The following INPP4B variants were observed in gnomAD, a reference collection of about 807,000 sequenced individuals.
INPP4B encodes inositol polyphosphate-4-phosphatase type II B.
Under a neutral mutation model 122.5 loss-of-function variants are expected in INPP4B, and 55 were observed. The ratio of observed to expected loss-of-function variants is 0.45; its 90% confidence interval spans 0.36 to 0.56. The LOEUF (loss-of-function observed/expected upper bound fraction) is 0.56. Among genes scored for constraint, INPP4B ranks in the 20% least tolerant of loss-of-function variants. INPP4B has a pLI of 0.00. For missense variants in INPP4B, 1,000 were observed against 1,097.7 expected, an observed-to-expected ratio of 0.91 and a Z score of 1.26; for synonymous variants, 403 against 388.7, an observed-to-expected ratio of 1.04 and a Z score of -0.43.
chr4:142,141,516 T>C (rs336395), intron 18 of INPP4B, among the ~76,000 whole-genome samples: 151,171 of 152,236 alleles, frequency 0.99, 75,065 homozygotes, highest in East Asian at 1. Context: ...CATAAATATA[T>C]ATAAACTGTA....
intron 8 of INPP4B, among the ~76,000 whole-genome samples, chr4:142,311,403 C>T (rs1765459343): frequency 6.6e-6 from 1 of 152,162 alleles, no homozygotes; most frequent in Admixed American, 6.5e-5. Context: ...AGATTTTCTA[C>T]TGTATTATTA....
intron 23 of INPP4B, among the ~76,000 whole-genome samples, chr4:142,090,221 C>T (rs1778844583): frequency 6.6e-6 from 1 of 152,144 alleles, no homozygotes; most frequent in Non-Finnish European, 1.5e-5. Flanking sequence ...TGTTAGAATA[C>T]ACAGGCATGA....
chr4:142,577,497 T>C (rs1480185454), intron 2 of INPP4B, among the ~76,000 whole-genome samples: 1 of 151,980 alleles, frequency 6.6e-6, no homozygotes. Flanking sequence ...TTAGGGGAAA[T>C]ATAAATGGGA....
intron 25 of INPP4B, among the ~76,000 whole-genome samples, chr4:142,070,581 GA>G (rs1248482501): frequency 6.6e-6 from 1 of 152,134 alleles, no homozygotes. Flanking sequence ...TGTATATTTA[GA>G]AAACCCCATC....
chr4:142,748,293 A>G (rs1040705730), intron 1 of INPP4B, among the ~76,000 whole-genome samples: 2 of 152,090 alleles, frequency 1.3e-5, no homozygotes, highest in African/African-American at 4.8e-5. Context: ...TATCTATACT[A>G]GAAAATAAAA....
intron 1 of INPP4B, among the ~76,000 whole-genome samples, chr4:142,793,414 A>G (rs74692148): frequency 0.012 from 1,897 of 152,210 alleles, 17 homozygotes; most frequent in Non-Finnish European, 0.018. Flanking sequence ...AACTATGAGC[A>G]GGATGCATAT....
In INPP4B at chr4:142,300,694, A is replaced by C. The variant is rs555575216; in HGVS notation, c.503+4764T>G. On this transcript the variant is annotated intron_variant, in intron 9 of 25. Transcript: ENST00000262992. ...ATACTACATAAAATAGGAGAAATTT[A>C]AAAAACAGTATAAGTTAAATGTTTT... Among the ~76,000 whole-genome samples, 4 of 152,310 alleles carry C rather than the reference A, an allele frequency of 2.6e-5. No homozygotes were observed. The East Asian group carries it at 7.7e-4, about 29-fold the overall frequency.
At chr4:142,770,997 G>C (rs1284887144) in intron 1 of INPP4B, among the ~76,000 whole-genome samples, 9 of 152,272 alleles carry the variant, frequency 5.9e-5, no homozygotes, top group Admixed American at 3.9e-4. Flanking sequence ...ATTCTAGTTG[G>C]AAAGTGCGGG....
intron 24 of INPP4B, among the ~76,000 whole-genome samples, chr4:142,084,515 T>C (rs922027812): frequency 6.6e-6 from 1 of 152,158 alleles, no homozygotes; most frequent in African/African-American, 2.4e-5. Flanking sequence ...AAAACAAATA[T>C]TAACAAAATA....
rs1273229210 is a variant in INPP4B at position 142,710,643 on chromosome 4, C to T, written c.-191+15196G>A. On this transcript the variant is annotated intron_variant, in intron 2 of 25. Transcript: ENST00000262992. ...CCACTTATTTGTGTCTACCAAGCTT[C>T]ATGAATGAGCAATCTATATCCTCCA... 1.3e-5 allele frequency among the ~76,000 whole-genome samples: 2 copies of T among 152,194 alleles called. 1 individual carries two copies.
At chr4:142,271,598 ATT>A (rs1745877046) in intron 9 of INPP4B, among the ~76,000 whole-genome samples, 3 of 152,324 alleles carry the variant, frequency 2.0e-5, no homozygotes, top group African/African-American at 7.2e-5. Flanking sequence ...AGTACAAAAG[ATT>A]CTCTCCTAGC....
At chr4:142,588,345 G>T (rs1736676200) in intron 2 of INPP4B, among the ~76,000 whole-genome samples, 1 of 151,720 alleles carries the variant, frequency 6.6e-6, no homozygotes, top group East Asian at 1.9e-4. Context: ...AATGTAAAGA[G>T]AAGAAATAAA....
At chr4:142,384,768 T>C (rs945143999) in intron 7 of INPP4B, among the ~76,000 whole-genome samples, 6 of 152,266 alleles carry the variant, frequency 3.9e-5, no homozygotes, top group Middle Eastern at 3.4e-3. Context: ...TTGTGCAGAT[T>C]ACTTTGTCAC....
chr4:142,757,178 C>G (rs1770628685), intron 1 of INPP4B, among the ~76,000 whole-genome samples: 1 of 151,878 alleles, frequency 6.6e-6, no homozygotes, highest in Admixed American at 6.6e-5. Flanking sequence ...TGTCATATAC[C>G]CCTTCCTCTA....
chr4:142,467,876 G>T (rs769317293), intron 2 of INPP4B: 1 of 152,086 alleles, frequency 6.6e-6, no homozygotes, highest in African/African-American at 2.4e-5. Flanking sequence ...TGATAAGTGA[G>T]CTCTTGCTCT....
chr4:142,634,086 C>T (rs1421440292), intron 2 of INPP4B, among the ~76,000 whole-genome samples: 4 of 152,054 alleles, frequency 2.6e-5, no homozygotes, highest in Non-Finnish European at 5.9e-5. Flanking sequence ...ATTAGAAACA[C>T]TTTAATGCAG....
chr4:142,181,862 A>G (rs1830930685), intron 15 of INPP4B, among the ~76,000 whole-genome samples: 1 of 152,232 alleles, frequency 6.6e-6, no homozygotes, highest in Admixed American at 6.5e-5. Flanking sequence ...GCAGATTAAT[A>G]TAGTAATTGA....
At position 142,747,004 on chromosome 4, in the gene INPP4B, A is replaced by C. The variant is rs1768856562; in HGVS notation, c.-253-21103T>G. 2.0e-5 allele frequency among the ~76,000 whole-genome samples: 3 copies of C among 152,188 alleles called. No individual in the cohort carries two copies. The South Asian group carries it at 6.2e-4, about 31-fold the overall frequency. ...AAAACACCAAAAGCAATGGCAACAA[A>C]AGCCAAAATTGAAAAATGGGATCTA... is the stretch of plus-strand genomic sequence containing the variant. On this transcript the variant is annotated intron_variant, in intron 1 of 25. Transcript: ENST00000262992.
At chr4:142,365,630 C>A (rs1787169913) in intron 7 of INPP4B, among the ~76,000 whole-genome samples, 1 of 152,104 alleles carries the variant, frequency 6.6e-6, no homozygotes, top group Non-Finnish European at 1.5e-5. Context: ...TGTGTATTCA[C>A]AACATTAGTC....
Sources: allele counts gnomAD v4.1 joint callset (sites outside exome capture counted in the v4.1 genomes callset), GRCh38; gene constraint gnomAD v4.1.1; transcripts MANE v1.5; gene names NCBI Gene and HGNC (gene_info 2026-07-23, HGNC 2026-07-21).